The following GAB2 variants were observed in gnomAD, a reference collection of about 807,000 sequenced individuals.
GAB2 encodes the protein GRB2-associated-binding protein 2.
In GAB2, 26 loss-of-function variants were observed where a neutral mutation model predicts 65.5. That is an observed-to-expected ratio of 0.40 (90% CI 0.29 to 0.55). The LOEUF (loss-of-function observed/expected upper bound fraction) is 0.55, where lower values mean the gene tolerates loss of function less well. Ranked by LOEUF, GAB2 falls within the 20% of genes least tolerant of loss-of-function variation. The pLI is 0.53. For synonymous variants in GAB2, 321 were observed against 329.6 expected, an observed-to-expected ratio of 0.97 and a Z score of 0.28; for missense variants, 884 against 875.8, an observed-to-expected ratio of 1.01 and a Z score of -0.12.
chr11:78,357,544 C>G (rs1856375614), intron 1 of GAB2, among the ~76,000 whole-genome samples: 2 of 152,078 alleles, frequency 1.3e-5, no homozygotes, highest in South Asian at 4.1e-4. Flanking sequence ...CCAGAATCTA[C>G]AAAGAACTCA....
In GAB2 at chr11:78,217,937, T is replaced by C. The variant is rs1308589911; in HGVS notation, c.*1335A>G. Reference sequence around the variant, plus strand: ...ATCATTCTGCCCTGCTTTCTCCTTGTCCTGCCTGACCCACTGTCCCATCCT... The same window carrying C: ...ATCATTCTGCCCTGCTTTCTCCTTGCCCTGCCTGACCCACTGTCCCATCCT... On this transcript the variant is annotated 3_prime_UTR_variant, in exon 10 of 10. Coordinates refer to ENST00000361507, the MANE Select transcript of GAB2 (RefSeq NM_080491.3). 6.5e-6 allele frequency: 1 copy of C among 152,756 alleles called. No homozygotes were observed. The highest frequency in any genetic ancestry group is 1.5e-5 in the Non-Finnish European group (1 of 68,398). The allele number at this position is 152,756 out of a possible 1,614,324, so 9.5% of individuals were successfully genotyped here. A position where few individuals can be genotyped will look rare whatever the true frequency, so the allele number is the denominator to read the frequency against.
intron 1 of GAB2, among the ~76,000 whole-genome samples, chr11:78,365,595 T>C (rs1458663788): frequency 1.3e-5 from 2 of 152,114 alleles, no homozygotes; most frequent in Non-Finnish European, 2.9e-5. Context: ...AAAAATGAAG[T>C]ACAGTCACTG....
At chr11:78,399,658 C>G (rs998949347) in intron 1 of GAB2, among the ~76,000 whole-genome samples, 3 of 152,158 alleles carry the variant, frequency 2.0e-5, no homozygotes, top group African/African-American at 7.2e-5. Context: ...TTGTACATTC[C>G]AGGTATGGCT....
chr11:78,401,459 T>A (rs947914364), intron 1 of GAB2, among the ~76,000 whole-genome samples: 1 of 152,068 alleles, frequency 6.6e-6, no homozygotes, highest in Non-Finnish European at 1.5e-5. Context: ...TGTTGTATCA[T>A]GTCCATGTAT....
rs117329350 is a variant in GAB2, at chr11:78,236,318, T to C, written c.621-9267A>G. Among the ~76,000 whole-genome samples the C allele has an allele frequency of 1.6e-4, 25 of 152,328 alleles. No homozygotes were observed. In the East Asian group the frequency reaches 4.6e-3, roughly 28 times the overall value. ...TGACCTTGCTAAACTCACTTAAAAATTTTTTTGTTGTTAAAATACACAGGG... is the reference window on the plus strand; with the variant it reads ...TGACCTTGCTAAACTCACTTAAAAACTTTTTTGTTGTTAAAATACACAGGG... On this transcript the variant is annotated intron_variant, in intron 3 of 9. Transcript: ENST00000361507.
chr11:78,298,104 A>C (rs1401211802), intron 1 of GAB2, among the ~76,000 whole-genome samples: 5 of 152,208 alleles, frequency 3.3e-5, no homozygotes, highest in Non-Finnish European at 7.3e-5. Flanking sequence ...TAATAATTGC[A>C]TTGAAGTAGG....
intron 1 of GAB2, among the ~76,000 whole-genome samples, chr11:78,365,597 C>T (rs1179212135): frequency 3.3e-5 from 5 of 152,120 alleles, no homozygotes; most frequent in African/African-American, 7.2e-5. Flanking sequence ...AAATGAAGTA[C>T]AGTCACTGAT....
intron 2 of GAB2, among the ~76,000 whole-genome samples, chr11:78,272,917 G>A (rs1307007601): frequency 6.6e-6 from 1 of 152,220 alleles, no homozygotes; most frequent in Non-Finnish European, 1.5e-5. Context: ...ACTAAAAGGG[G>A]CCAAGGTACA....
chr11:78,276,686 C>G (rs1866180006), intron 2 of GAB2, among the ~76,000 whole-genome samples: 1 of 152,128 alleles, frequency 6.6e-6, no homozygotes, highest in Admixed American at 6.5e-5. Context: ...TGTGAATGAA[C>G]AAATGAACCT....
At chr11:78,309,455 G>GT (rs1215140619) in intron 1 of GAB2, among the ~76,000 whole-genome samples, 1 of 132,654 alleles carries the variant, frequency 7.5e-6, no homozygotes, top group African/African-American at 2.7e-5. Flanking sequence ...GTTAAACCCT[G>GT]CCCCCTGCCT....
At chr11:78,409,180 G>A (rs951349596) in intron 1 of GAB2, among the ~76,000 whole-genome samples, 2 of 152,144 alleles carry the variant, frequency 1.3e-5, no homozygotes, top group Non-Finnish European at 2.9e-5. Context: ...TAATATATCA[G>A]ATAACAAGTA....
intron 1 of GAB2, among the ~76,000 whole-genome samples, chr11:78,412,920 G>A (rs34491514): frequency 0.12 from 18,296 of 152,180 alleles, 1,496 homozygotes; most frequent in Non-Finnish European, 0.19. Flanking sequence ...ATGAAGAAGC[G>A]TATAACAAGA....
intron 6 of GAB2, among the ~76,000 whole-genome samples, chr11:78,222,444 A>T (rs1021479160): frequency 2.0e-4 from 31 of 151,266 alleles, no homozygotes; most frequent in African/African-American, 6.5e-4. Context: ...CAGAATCAAA[A>T]GTGGGGACAC....
chr11:78,266,367 A>G (rs1287805839), intron 2 of GAB2, among the ~76,000 whole-genome samples: 1 of 152,054 alleles, frequency 6.6e-6, no homozygotes, highest in Non-Finnish European at 1.5e-5. Context: ...ACTGTGCTCC[A>G]GCCTTCCAGC....
intron 1 of GAB2, among the ~76,000 whole-genome samples, chr11:78,336,119 G>GCCTGGCTGACATGGTGAAAT (rs1855993511): frequency 6.6e-6 from 1 of 151,780 alleles, no homozygotes; most frequent in Non-Finnish European, 1.5e-5. Flanking sequence ...TTCAATACCA[G>GCCTGGCTGACATGGTGAAAT]CCTGGCTGAC....
intron 3 of GAB2, among the ~76,000 whole-genome samples, chr11:78,237,470 T>G (rs1196799872): frequency 6.6e-6 from 1 of 152,144 alleles, no homozygotes; most frequent in Non-Finnish European, 1.5e-5. Context: ...CTATGTAAAT[T>G]TATGGAAAAT....
intron 1 of GAB2, among the ~76,000 whole-genome samples, chr11:78,295,441 G>A (rs1355719517): frequency 1.3e-5 from 2 of 152,128 alleles, no homozygotes; most frequent in African/African-American, 4.8e-5. Flanking sequence ...CACTTTCAAT[G>A]TCTTTTCCAT....
At chr11:78,220,949 G>A (rs1306208579) in intron 8 of GAB2, among the ~76,000 whole-genome samples, 1 of 152,170 alleles carries the variant, frequency 6.6e-6, no homozygotes, top group Admixed American at 6.5e-5. Context: ...CTAGAGTGGG[G>A]TAGTCACCCC....
chr11:78,309,647 TA>T (rs939502228), intron 1 of GAB2, among the ~76,000 whole-genome samples: 1 of 151,202 alleles, frequency 6.6e-6, no homozygotes, highest in Non-Finnish European at 1.5e-5. Context: ...AATATTTTTT[TA>T]AAAAACCTGT....
Sources: allele counts gnomAD v4.1 joint callset (sites outside exome capture counted in the v4.1 genomes callset), GRCh38; gene constraint gnomAD v4.1.1; transcripts MANE v1.5; gene names NCBI Gene and HGNC (gene_info 2026-07-23, HGNC 2026-07-21).